Variants in NTM observed in about 807,000 individuals in gnomAD.
NTM encodes the protein neurotrimin.
In NTM, 13 loss-of-function variants were observed where a neutral mutation model predicts 42.1. The observed-to-expected ratio is 0.31, with a 90% confidence interval of 0.20 to 0.49. The LOEUF is 0.49. NTM is among the 20% of genes least tolerant of loss of function. The pLI, the probability that NTM is intolerant of heterozygous loss-of-function variation, is 0.99. For missense variants in NTM, 373 were observed against 452.8 expected (o/e 0.82, Z 1.60); for synonymous variants, 187 against 179.2 (o/e 1.04, Z -0.35).
At chr11:131,544,820 G>T (rs552185159) in intron 1 of NTM, among the ~76,000 whole-genome samples, 1 of 152,306 alleles carries the variant, frequency 6.6e-6, no homozygotes, top group South Asian at 2.1e-4. Flanking sequence ...TATGTTTTGA[G>T]CCCTCCAGGC....
At chr11:131,520,380 T>C (rs2049470271) in intron 1 of NTM, among the ~76,000 whole-genome samples, 1 of 152,096 alleles carries the variant, frequency 6.6e-6, no homozygotes, top group Admixed American at 6.6e-5. Context: ...TTTTCTAAGA[T>C]CAAAAAGATT....
At chr11:131,426,688 C>G (rs1243613016) in intron 1 of NTM, among the ~76,000 whole-genome samples, 1 of 152,156 alleles carries the variant, frequency 6.6e-6, no homozygotes, top group African/African-American at 2.4e-5. Flanking sequence ...GGAAGGCCCA[C>G]CTGTCAGAGC....
chr11:131,934,434 T>C (rs547677092), intron 2 of NTM, among the ~76,000 whole-genome samples: 1 of 152,346 alleles, frequency 6.6e-6, no homozygotes, highest in Admixed American at 6.5e-5. Context: ...TCATATAAAG[T>C]CTTTACAGTG....
chr11:131,535,550 A>G (rs1286708714), intron 1 of NTM: 2 of 152,222 alleles, frequency 1.3e-5, no homozygotes, highest in Non-Finnish European at 2.9e-5. Context: ...TACAAATGGC[A>G]TAAAGGTTCT....
intron 2 of NTM, among the ~76,000 whole-genome samples, chr11:132,053,547 G>A (rs139380878): frequency 2.4e-4 from 36 of 152,308 alleles, no homozygotes; most frequent in African/African-American, 8.4e-4. Context: ...GCTGTTAGGT[G>A]TTTTCCTTGG....
intron 1 of NTM, among the ~76,000 whole-genome samples, chr11:131,551,193 C>T (rs192930844): frequency 2.6e-5 from 4 of 152,308 alleles, no homozygotes; most frequent in Admixed American, 1.3e-4. Flanking sequence ...AGTCTGCACT[C>T]TACTTTGTAC....
chr11:131,666,778 T>C (rs1207114375), intron 1 of NTM, among the ~76,000 whole-genome samples: 1 of 152,114 alleles, frequency 6.6e-6, no homozygotes, highest in African/African-American at 2.4e-5. Flanking sequence ...AAAGCTGCAC[T>C]CACTAAAGGC....
At chr11:132,019,942 C>A (rs1163786292) in intron 2 of NTM, among the ~76,000 whole-genome samples, 1 of 151,820 alleles carries the variant, frequency 6.6e-6, no homozygotes, top group Non-Finnish European at 1.5e-5. Flanking sequence ...AATCTCTCAC[C>A]TGCATAGTGT....
At chr11:131,499,409 C>T (rs557185492) in intron 1 of NTM, among the ~76,000 whole-genome samples, 12 of 152,160 alleles carry the variant, frequency 7.9e-5, no homozygotes, top group Non-Finnish European at 1.5e-4. Context: ...GCCCCCCACT[C>T]CCCGTCATCT....
At chr11:132,090,427 C>T (rs1405724796) in intron 2 of NTM, among the ~76,000 whole-genome samples, 2 of 152,046 alleles carry the variant, frequency 1.3e-5, no homozygotes, top group African/African-American at 2.4e-5. Flanking sequence ...CTTCCAGTGC[C>T]CCACCCTCTC....
intron 1 of NTM, among the ~76,000 whole-genome samples, chr11:131,782,562 A>C (rs1295192432): frequency 6.6e-6 from 1 of 152,146 alleles, no homozygotes; most frequent in East Asian, 1.9e-4. Flanking sequence ...AAGCTCTATT[A>C]ATCAAAATTA....
chr11:131,920,673 T>C (rs1269340533), intron 2 of NTM, among the ~76,000 whole-genome samples: 1 of 152,206 alleles, frequency 6.6e-6, no homozygotes, highest in Non-Finnish European at 1.5e-5. Flanking sequence ...ATGTTTTGGC[T>C]TAGAAAGCTT....
intron 1 of NTM, among the ~76,000 whole-genome samples, chr11:131,499,303 G>A (rs2046433517): frequency 6.6e-6 from 1 of 152,130 alleles, no homozygotes; most frequent in Admixed American, 6.5e-5. Context: ...CATTGGCTCA[G>A]AGCCTCGGCT....
chr11:132,133,182 T>C (rs2067150915), intron 2 of NTM, among the ~76,000 whole-genome samples: 1 of 152,194 alleles, frequency 6.6e-6, no homozygotes, highest in South Asian at 2.1e-4. Context: ...TTTATACTCA[T>C]TTGTAAAGTT....
intron 2 of NTM, among the ~76,000 whole-genome samples, chr11:131,959,234 A>T (rs2061874823): frequency 6.6e-6 from 1 of 152,150 alleles, no homozygotes. Context: ...CTCAGAAGAG[A>T]GGTGTTCTCT....
chr11:132,212,989 T>C (rs1592259171), intron 4 of NTM, among the ~76,000 whole-genome samples: 1 of 148,320 alleles, frequency 6.7e-6, no homozygotes, highest in African/African-American at 2.5e-5. Flanking sequence ...ATATAACAGG[T>C]GGTATTAAGG....
chr11:131,383,577 T>C (rs954206271), intron 1 of NTM, among the ~76,000 whole-genome samples: 3 of 152,206 alleles, frequency 2.0e-5, no homozygotes, highest in Admixed American at 2.0e-4. Flanking sequence ...TGAAATCAAA[T>C]ATGGCTAGAT....
rs191468259 is a variant in NTM at position 131,726,906 on chromosome 11, C to T, written c.83-184658C>T. On this transcript the variant is annotated intron_variant, in intron 1 of 8. Coordinates refer to ENST00000683400, the MANE Select transcript of NTM (RefSeq NM_001352005.2). ...TTTTTTCCACAGAGACGGGGCTGGT[C>T]GTCAACTTCTGGGCTCAAGCACTTC... 2.2e-4 allele frequency among the ~76,000 whole-genome samples: 34 copies of T among 151,316 alleles called. 3 individuals are homozygous for T. Among genetic ancestry groups the T allele is most frequent in the African/African-American group, 7.9e-4 (32 of 40,658 alleles).
chr11:131,484,490 C>A (rs941872813), intron 1 of NTM, among the ~76,000 whole-genome samples: 1 of 152,300 alleles, frequency 6.6e-6, no homozygotes, highest in East Asian at 1.9e-4. Flanking sequence ...CTGCTTCGGG[C>A]AGCACACAGG....
Sources: allele counts gnomAD v4.1 joint callset (sites outside exome capture counted in the v4.1 genomes callset), GRCh38; gene constraint gnomAD v4.1.1; transcripts MANE v1.5; gene names NCBI Gene and HGNC (gene_info 2026-07-23, HGNC 2026-07-21).